KDM4C: variants seen among roughly 807,000 people sequenced by gnomAD.
The protein encoded by KDM4C is lysine demethylase 4C.
Under a neutral mutation model 129.3 loss-of-function variants are expected in KDM4C, and 81 were observed. The ratio of observed to expected loss-of-function variants is 0.63; its 90% CI spans 0.52 to 0.75. KDM4C has a LOEUF of 0.75. Among genes scored for constraint, KDM4C ranks in the 30% least tolerant of loss-of-function variants. The pLI, the probability that KDM4C is intolerant of heterozygous loss-of-function variation, is 0.00. For synonymous variants in KDM4C, 573 were observed against 456.1 expected (o/e 1.26, Z -3.26); for missense variants, 1,457 against 1,304.0 (o/e 1.12, Z -1.81).
chr9:6,822,348 AGACTGTACAAATCCTTTTT>A (rs1380774694), intron 4 of KDM4C, among the ~76,000 whole-genome samples: 1 of 152,220 alleles, frequency 6.6e-6, no homozygotes, highest in Non-Finnish European at 1.5e-5. Flanking sequence ...TTCTTGGGGA[AGACTGTACAAATCCTTTTT>A]GAGATAGATG....
chr9:6,785,906 G>C (rs1675671344), intron 1 of KDM4C, among the ~76,000 whole-genome samples: 2 of 152,160 alleles, frequency 1.3e-5, no homozygotes. Context: ...TGAAAGGCCA[G>C]ACTCCATCAC....
At chr9:6,834,216 A>G (rs897756046) in intron 4 of KDM4C, among the ~76,000 whole-genome samples, 1 of 151,846 alleles carries the variant, frequency 6.6e-6, no homozygotes, top group African/African-American at 2.4e-5. Flanking sequence ...TTGTATTTTT[A>G]GTAGAGGCAG....
At chr9:6,755,151 C>G (rs144232123), upstream of KDM4C, among the ~76,000 whole-genome samples, 1 of 152,180 alleles carries the variant, frequency 6.6e-6, no homozygotes, top group African/African-American at 2.4e-5. Context: ...GTGAGTGGAT[C>G]ACAAGGTCAG....
chr9:7,063,777 C>T (rs1052925478), intron 17 of KDM4C, among the ~76,000 whole-genome samples: 4 of 152,152 alleles, frequency 2.6e-5, no homozygotes, highest in African/African-American at 9.7e-5. Context: ...AATGCCTAAT[C>T]TGAGCCCTGG....
chr9:7,018,032 C>G (rs1678323619), intron 15 of KDM4C, among the ~76,000 whole-genome samples: 1 of 152,042 alleles, frequency 6.6e-6, no homozygotes, highest in African/African-American at 2.4e-5. Context: ...ATCAGTGGGC[C>G]CAGAAAGCAT....
At chr9:6,909,624 T>A (rs1043126340) in intron 8 of KDM4C, among the ~76,000 whole-genome samples, 2 of 151,960 alleles carry the variant, frequency 1.3e-5, no homozygotes, top group African/African-American at 4.8e-5. Context: ...AAAAAAAAAA[T>A]AAAAATAAGC....
At chr9:6,810,733 T>A (rs1311214809) in intron 3 of KDM4C, among the ~76,000 whole-genome samples, 1 of 151,950 alleles carries the variant, frequency 6.6e-6, no homozygotes, top group Non-Finnish European at 1.5e-5. Flanking sequence ...TAGCCATGCA[T>A]GGTGGCATGT....
At chr9:6,919,583 C>T (rs1173031905) in intron 8 of KDM4C, among the ~76,000 whole-genome samples, 28 of 147,800 alleles carry the variant, frequency 1.9e-4, no homozygotes, top group South Asian at 2.2e-4. Context: ...ATCTATCTAT[C>T]TATCTATCTA....
rs1589123202 is a variant in KDM4C, at chr9:6,922,396, T to A, written c.921+29164T>A. ...ACAGGTTTCTGATTACATTTACTGT[T>A]TTTTTCCCCCCCATTAAAAGAAGTA... On this transcript the variant is annotated intron_variant, in intron 8 of 21. Transcript: ENST00000381309. 2.3e-5 allele frequency among the ~76,000 whole-genome samples: 3 copies of A among 129,568 alleles called. No homozygotes were observed. The South Asian group carries it at 8.0e-4, about 34-fold the overall frequency. 85.0% of individuals were successfully genotyped at this position (129,568 alleles called of 152,430 possible). A position where few individuals can be genotyped will look rare whatever the true frequency, so the allele number is the denominator to read the frequency against.
At position 7,053,998 on chromosome 9, in the gene KDM4C, A is replaced by G. The variant is rs147390459; in HGVS notation, c.2424+4798A>G. Among the ~76,000 whole-genome samples the G allele has an allele frequency of 1.9e-3, 285 of 152,364 alleles. 1 individual carries two copies. The highest frequency in any genetic ancestry group is 3.4e-3 in the Non-Finnish European group (231 of 68,040). ...TAATGCAGGTTTTATATTATGTAGT[A>G]TTTTTATTACCTGTCCATTAGAATA... On this transcript the variant is annotated intron_variant, in intron 17 of 21. Coordinates refer to ENST00000381309, the MANE Select transcript of KDM4C (RefSeq NM_015061.6).
At chr9:6,981,261 TA>T in intron 9 of KDM4C, 143 bp downstream of exon 9, 1 of 632,216 alleles carries the variant, frequency 1.6e-6, no homozygotes, top group East Asian at 2.8e-5. Flanking sequence ...ACATTATTTT[TA>T]ATTCTTAGGT....
At position 6,776,764 on chromosome 9, in the gene KDM4C, G is replaced by A. The variant is rs751798309; in HGVS notation, c.-17-16208G>A. Among the ~76,000 whole-genome samples, 56 of 151,656 alleles carry A rather than the reference G, an allele frequency of 3.7e-4. 1 individual carries two copies. Among genetic ancestry groups the A allele is most frequent in the Admixed American group, 1.3e-4 (2 of 15,190 alleles). ...TTATAGGCACATACCACCACGCCCG[G>A]GTAATTTTTGTGTTATTTTTAGTAG... On this transcript the variant is annotated intron_variant, in intron 1 of 21. Transcript: ENST00000381309.
chr9:6,867,717 T>C lies in KDM4C; in HGVS notation c.630-12295T>C, dbSNP rs527384677. Among the ~76,000 whole-genome samples the C allele has an allele frequency of 1.6e-3, 244 of 152,344 alleles. 1 individual carries two copies. The highest frequency in any genetic ancestry group is 5.6e-3 in the African/African-American group (234 of 41,574). On this transcript the variant is annotated intron_variant, in intron 5 of 21. Coordinates refer to ENST00000381309, the MANE Select transcript of KDM4C (RefSeq NM_015061.6). ...CTTCATTACTTACTGAGCACACACCTGTGTCAGGTATTGAGCTAGGTGTCA... is the reference window on the plus strand; with the variant it reads ...CTTCATTACTTACTGAGCACACACCCGTGTCAGGTATTGAGCTAGGTGTCA...
At chr9:7,121,210 G>A (rs1401244954) in intron 18 of KDM4C, among the ~76,000 whole-genome samples, 1 of 152,164 alleles carries the variant, frequency 6.6e-6, no homozygotes, top group Admixed American at 6.6e-5. Context: ...TGGCTGAGGG[G>A]TTCTTCTGGT....
At chr9:7,044,082 A>G (rs1829018395) in intron 15 of KDM4C, among the ~76,000 whole-genome samples, 1 of 152,074 alleles carries the variant, frequency 6.6e-6, no homozygotes, top group African/African-American at 2.4e-5. Flanking sequence ...AGCAGATAGC[A>G]TGCAACAAAT....
intron 1 of KDM4C, among the ~76,000 whole-genome samples, chr9:6,736,079 G>A (rs891063071): frequency 1.3e-5 from 2 of 152,088 alleles, no homozygotes; most frequent in African/African-American, 2.4e-5. Flanking sequence ...AGAGATTTGT[G>A]GAACTTTGAA....
chr9:7,147,087 C>G (rs1052276996), intron 19 of KDM4C, among the ~76,000 whole-genome samples: 2 of 152,296 alleles, frequency 1.3e-5, no homozygotes, highest in African/African-American at 4.8e-5. Context: ...ATTCTCCCTG[C>G]AAGATTGCAT....
intron 20 of KDM4C, among the ~76,000 whole-genome samples, chr9:7,166,832 CTA>C (rs1282518319): frequency 6.6e-6 from 1 of 152,120 alleles, no homozygotes; most frequent in East Asian, 1.9e-4. Flanking sequence ...CAACATAAAA[CTA>C]TGAGCATATT....
At chr9:7,106,113 T>A (rs1341388644) in intron 18 of KDM4C, among the ~76,000 whole-genome samples, 1 of 152,224 alleles carries the variant, frequency 6.6e-6, no homozygotes, top group Non-Finnish European at 1.5e-5. Context: ...TATCCATTCT[T>A]CTTCCATTCG....
Sources: gnomAD v4.1 joint callset for allele counts (sites outside exome capture counted in the v4.1 genomes callset) on GRCh38, gnomAD v4.1.1 for gene constraint, MANE v1.5 for transcripts, NCBI Gene and HGNC (gene_info 2026-07-23, HGNC 2026-07-21) for gene names.